The following NLGN4X variants were observed in gnomAD, a reference collection of about 807,000 sequenced individuals.
The protein encoded by NLGN4X is neuroligin-4, X-linked.
NLGN4X carries 3 observed loss-of-function variants against 40.3 expected under a neutral mutation model. The ratio of observed to expected loss-of-function variants is 0.07; its 90% CI spans 0.03 to 0.19. NLGN4X has a LOEUF of 0.19. NLGN4X is among the 10% of genes least tolerant of loss of function. NLGN4X has a pLI of 1.00. For synonymous variants in NLGN4X, 270 were observed against 306.8 expected, an observed-to-expected ratio of 0.88 and a Z score of 1.25; for missense variants, 382 against 708.3, an observed-to-expected ratio of 0.54 and a Z score of 5.23.
chrX:6,211,481 T>C (rs1435479273), intron 1 of NLGN4X, among the ~76,000 whole-genome samples: 1 of 112,099 alleles, frequency 8.9e-6, no homozygotes. Flanking sequence ...TAAAATAGCT[T>C]ATGCTATCAT....
intron 3 of NLGN4X, among the ~76,000 whole-genome samples, chrX:5,957,367 G>A (rs987352294): frequency 2.7e-5 from 3 of 111,601 alleles, no homozygotes; most frequent in Non-Finnish European, 5.6e-5. Flanking sequence ...CCCCAGATTC[G>A]GGATTTAAGA....
intron 3 of NLGN4X, among the ~76,000 whole-genome samples, chrX:6,003,524 G>T (rs1450173599): frequency 9.0e-6 from 1 of 111,649 alleles, no homozygotes; most frequent in Non-Finnish European, 1.9e-5. Flanking sequence ...TAAAACAAAC[G>T]AAAATTTGTT....
At chrX:6,140,732 C>A (rs1026742122) in intron 2 of NLGN4X, among the ~76,000 whole-genome samples, 8 of 82,354 alleles carry the variant, frequency 9.7e-5, no homozygotes, top group Non-Finnish European at 1.6e-4. Context: ...CCAGCACCAC[C>A]ATGCCCAGCT....
chrX:5,981,413 T>G (rs1167057811), intron 3 of NLGN4X, among the ~76,000 whole-genome samples: 1 of 99,283 alleles, frequency 1.0e-5, no homozygotes, highest in African/African-American at 3.7e-5. Flanking sequence ...AGAGTATACA[T>G]AGTATACAGG....
At chrX:6,123,994 A>C (rs2039485498) in intron 2 of NLGN4X, among the ~76,000 whole-genome samples, 1 of 111,313 alleles carries the variant, frequency 9.0e-6, no homozygotes, top group Non-Finnish European at 1.9e-5. Context: ...TATTGTTGAA[A>C]AGATATATTT....
intron 1 of NLGN4X, among the ~76,000 whole-genome samples, chrX:6,162,184 G>A (rs772443374): frequency 8.9e-6 from 1 of 112,019 alleles, no homozygotes; most frequent in East Asian, 2.8e-4. Flanking sequence ...GGTAGTATGG[G>A]GCAGAGGTTT....
chrX:6,172,619 T>G (rs1169272112), intron 1 of NLGN4X, among the ~76,000 whole-genome samples: 4 of 112,019 alleles, frequency 3.6e-5, no homozygotes, highest in Non-Finnish European at 5.6e-5. Flanking sequence ...CTTGTTTTCT[T>G]GGTTGGTGTT....
chrX:6,147,768 G>A (rs1240011330), intron 2 of NLGN4X, among the ~76,000 whole-genome samples: 1 of 111,405 alleles, frequency 9.0e-6, no homozygotes, highest in Non-Finnish European at 1.9e-5. Context: ...TCCTACTAGA[G>A]CTTCCGACTG....
At position 6,155,161 on chromosome X, in the gene NLGN4X, T is replaced by C. The variant is rs1028018392; in HGVS notation, c.-305-3390A>G. Among the ~76,000 whole-genome samples the C allele has an allele frequency of 1.1e-4, 12 of 110,974 alleles. No individual in the cohort carries two copies. The East Asian group carries it at 3.4e-3, about 32-fold the overall frequency. ...TGCTTTTAAAAAAAAATAGGATAAC[T>C]GAGAAAGAGCACCCTTCCCTGTGTT... On this transcript the variant is annotated intron_variant, in intron 1 of 5. Transcript: ENST00000381095.
At chrX:5,965,424 G>A (rs375438968) in intron 3 of NLGN4X, among the ~76,000 whole-genome samples, 5 of 111,924 alleles carry the variant, frequency 4.5e-5, no homozygotes, top group African/African-American at 1.6e-4. Flanking sequence ...AACCTTGGAG[G>A]CACTCTATAG....
intron 2 of NLGN4X, among the ~76,000 whole-genome samples, chrX:6,049,238 AGGGGAGGGGAG>A (rs1569207629): frequency 0.026 from 75 of 2,941 alleles, 2 homozygotes; most frequent in East Asian, 0.14. Context: ...AGGGGAGGGG[AGGGGAGGGGAG>A]GGGAGGGGAG....
At chrX:6,090,489 C>A (rs938379709) in intron 2 of NLGN4X, among the ~76,000 whole-genome samples, 5 of 111,239 alleles carry the variant, frequency 4.5e-5, no homozygotes, top group African/African-American at 1.3e-4. Context: ...GAACAAGATG[C>A]ATACTCATTC....
chrX:5,902,528 A>G (rs1421224176), intron 5 of NLGN4X, among the ~76,000 whole-genome samples: 1 of 110,073 alleles, frequency 9.1e-6, no homozygotes, highest in Non-Finnish European at 1.9e-5. Flanking sequence ...ACCAAAAAAA[A>G]AAAATTAAAA....
chrX:5,967,651 AGGTTATTTTT>A (rs2034873996), intron 3 of NLGN4X, among the ~76,000 whole-genome samples: 1 of 111,571 alleles, frequency 9.0e-6, no homozygotes, highest in Admixed American at 9.6e-5. Flanking sequence ...TTCTAGTCAA[AGGTTATTTTT>A]TTAATTTGCA....
intron 1 of NLGN4X, among the ~76,000 whole-genome samples, chrX:6,181,023 C>A (rs1322968077): frequency 9.0e-6 from 1 of 111,393 alleles, no homozygotes; most frequent in Admixed American, 9.6e-5. Flanking sequence ...TTGCTTCTCT[C>A]TCTCTCTAAG....
intron 2 of NLGN4X, among the ~76,000 whole-genome samples, chrX:6,068,010 C>G (rs1010501825): frequency 1.8e-5 from 2 of 111,589 alleles, no homozygotes; most frequent in African/African-American, 6.5e-5. Flanking sequence ...GTGTTGGGAT[C>G]TGAGACCCAG....
intron 3 of NLGN4X, among the ~76,000 whole-genome samples, chrX:5,995,493 G>A (rs192881617): frequency 8.9e-6 from 1 of 112,470 alleles, no homozygotes; most frequent in Non-Finnish European, 1.9e-5. Flanking sequence ...CATCTGACTG[G>A]GGCCAGGCAA....
At chrX:6,043,296 AAT>A (rs1376670928) in intron 2 of NLGN4X, among the ~76,000 whole-genome samples, 1 of 110,462 alleles carries the variant, frequency 9.1e-6, no homozygotes. Flanking sequence ...TTTTTAAATA[AAT>A]AGTCATAAAA....
chrX:5,990,169 C>T (rs1192893907), intron 3 of NLGN4X, among the ~76,000 whole-genome samples: 2 of 108,150 alleles, frequency 1.8e-5, no homozygotes, highest in African/African-American at 6.8e-5. Context: ...TACCAGTGGG[C>T]AATAAGAAGG....
Sources: gnomAD v4.1 joint callset for allele counts (sites outside exome capture counted in the v4.1 genomes callset) on GRCh38, gnomAD v4.1.1 for gene constraint, MANE v1.5 for transcripts, NCBI Gene and HGNC (gene_info 2026-07-23, HGNC 2026-07-21) for gene names.